AKAP6: variants seen among roughly 807,000 people sequenced by gnomAD.
AKAP6 encodes the protein A-kinase anchoring protein 6.
In AKAP6, 58 loss-of-function variants were observed where a neutral mutation model predicts 188.5. The observed-to-expected ratio is 0.31, with a 90% CI of 0.25 to 0.38. The LOEUF (loss-of-function observed/expected upper bound fraction) is 0.38. AKAP6 is among the 10% of genes least tolerant of loss of function. The pLI, the probability that AKAP6 is intolerant of heterozygous loss-of-function variation, is 1.00. For synonymous variants in AKAP6, 989 were observed against 998.6 expected (o/e 0.99, Z 0.18); for missense variants, 2,710 against 2,740.0 (o/e 0.99, Z 0.24).
At chr14:32,729,225 G>A (rs1158270080) in intron 9 of AKAP6, among the ~76,000 whole-genome samples, 1 of 151,958 alleles carries the variant, frequency 6.6e-6, no homozygotes, top group Non-Finnish European at 1.5e-5. Context: ...ACTGTTTCAA[G>A]GCATTGTTCC....
At chr14:32,616,839 T>G (rs1886602208) in intron 7 of AKAP6, 1 of 152,238 alleles carries the variant, frequency 6.6e-6, no homozygotes, top group Non-Finnish European at 1.5e-5. Context: ...AGTGGCATTT[T>G]TCAGTTGACT....
chr14:32,461,719 TG>T (rs1305926945), intron 2 of AKAP6, among the ~76,000 whole-genome samples: 1 of 151,800 alleles, frequency 6.6e-6, no homozygotes, highest in African/African-American at 2.4e-5. Flanking sequence ...CAAAACTAAA[TG>T]GAGAATGAGA....
At chr14:32,674,372 G>A (rs1243563473) in intron 7 of AKAP6, among the ~76,000 whole-genome samples, 2 of 152,190 alleles carry the variant, frequency 1.3e-5, no homozygotes, top group Non-Finnish European at 2.9e-5. Flanking sequence ...CTAAGAATGA[G>A]CGAAGGGAGA....
intron 1 of AKAP6, among the ~76,000 whole-genome samples, chr14:32,333,975 G>A (rs1886611450): frequency 6.6e-6 from 1 of 152,094 alleles, no homozygotes; most frequent in South Asian, 2.1e-4. Context: ...GTTGTACAAG[G>A]ACAGGTATAC....
intron 11 of AKAP6, among the ~76,000 whole-genome samples, chr14:32,751,922 A>G (rs1468923832): frequency 1.3e-5 from 2 of 152,152 alleles, no homozygotes; most frequent in African/African-American, 4.8e-5. Context: ...TCAAGACATG[A>G]ATTGTTTTCT....
intron 1 of AKAP6, among the ~76,000 whole-genome samples, chr14:32,349,692 C>T (rs1022520516): frequency 6.6e-5 from 10 of 152,204 alleles, no homozygotes; most frequent in Middle Eastern, 6.8e-3. Flanking sequence ...TACACTAACT[C>T]GAAGCTTCAA....
At chr14:32,456,579 T>A (rs1253535672) in intron 2 of AKAP6, among the ~76,000 whole-genome samples, 2 of 152,210 alleles carry the variant, frequency 1.3e-5, no homozygotes, top group African/African-American at 4.8e-5. Flanking sequence ...AATTGAAATT[T>A]TTGTGGATGT....
intron 2 of AKAP6, among the ~76,000 whole-genome samples, chr14:32,522,301 C>A (rs1297271376): frequency 6.6e-6 from 1 of 152,176 alleles, no homozygotes; most frequent in Non-Finnish European, 1.5e-5. Flanking sequence ...GACTGAAACA[C>A]CAAAAGCAAT....
At chr14:32,433,241 T>G in intron 1 of AKAP6, 1 of 408,614 alleles carries the variant, frequency 2.4e-6, no homozygotes, top group East Asian at 4.3e-5. Context: ...GGGGGGAGAG[T>G]AGTCAATATC....
At position 32,335,715 on chromosome 14, in the gene AKAP6, A is replaced by G. The variant is rs188206091; in HGVS notation, c.-35+6307A>G. On this transcript the variant is annotated intron_variant, in intron 1 of 13. Transcript: ENST00000280979. ...ACCATCCTGTTGGTTCAATGTTTAT[A>G]TTAATTCTCTTGCCCTTTGTTTACT... Among the ~76,000 whole-genome samples, 297 of 151,974 alleles carry G rather than the reference A, an allele frequency of 2.0e-3. 2 individuals carry two copies. Among genetic ancestry groups the G allele is most frequent in the Middle Eastern group, 0.014 (4 of 294 alleles).
chr14:32,791,524 T>C (rs1272990885), intron 12 of AKAP6, among the ~76,000 whole-genome samples: 2 of 151,228 alleles, frequency 1.3e-5, no homozygotes, highest in African/African-American at 4.9e-5. Context: ...ATTAGCCCTA[T>C]TAGTCAGATG....
intron 12 of AKAP6, among the ~76,000 whole-genome samples, chr14:32,797,524 A>G (rs919434232): frequency 6.6e-6 from 1 of 152,216 alleles, no homozygotes; most frequent in African/African-American, 2.4e-5. Flanking sequence ...AGAAAACCAA[A>G]CATTGCATGT....
intron 9 of AKAP6, among the ~76,000 whole-genome samples, chr14:32,714,330 T>C (rs978704321): frequency 5.9e-5 from 9 of 152,090 alleles, no homozygotes; most frequent in Non-Finnish European, 8.8e-5. Context: ...GCACATGCTA[T>C]GGAAAAATTG....
intron 12 of AKAP6, among the ~76,000 whole-genome samples, chr14:32,796,259 AC>A (rs1404012195): frequency 4.6e-5 from 7 of 152,344 alleles, no homozygotes; most frequent in African/African-American, 1.7e-4. Flanking sequence ...TACATTCTTC[AC>A]AGAATTAGAA....
chr14:32,780,157 C>CATATATATATATATAT (rs59506546), intron 12 of AKAP6, among the ~76,000 whole-genome samples: 17 of 119,342 alleles, frequency 1.4e-4, no homozygotes, highest in African/African-American at 3.2e-4. Flanking sequence ...AAAAAAAAAA[C>CATATATATATATATAT]ATATATATAT....
intron 11 of AKAP6, among the ~76,000 whole-genome samples, chr14:32,765,454 G>C (rs571513549): frequency 6.6e-6 from 1 of 152,094 alleles, no homozygotes; most frequent in Non-Finnish European, 1.5e-5. Flanking sequence ...GCAATAATTA[G>C]ATTTAGTTAA....
intron 1 of AKAP6, among the ~76,000 whole-genome samples, chr14:32,427,103 T>C (rs1002180654): frequency 7.2e-5 from 11 of 152,294 alleles, no homozygotes; most frequent in Non-Finnish European, 1.6e-4. Context: ...TTTTAAATTA[T>C]GGAAATCTGT....
chr14:32,488,370 C>A lies in AKAP6; in HGVS notation c.325-47184C>A, dbSNP rs1346556984. Among the ~76,000 whole-genome samples, 5 of 152,150 alleles carry A rather than the reference C, an allele frequency of 3.3e-5. No homozygotes were observed. In the South Asian group the frequency reaches 6.2e-4, roughly 19 times the overall value. On this transcript the variant is annotated intron_variant, in intron 2 of 13. Transcript: ENST00000280979. ...ACTCAAGCCTCAGTAATGGTGGACGCCCCTACCCCCACCAAGCTGGAGCAT... is the reference window on the plus strand; with the variant it reads ...ACTCAAGCCTCAGTAATGGTGGACGACCCTACCCCCACCAAGCTGGAGCAT...
chr14:32,540,190 A>ATTTTTT (rs1478530823), intron 3 of AKAP6, among the ~76,000 whole-genome samples: 11 of 128,280 alleles, frequency 8.6e-5, no homozygotes, highest in African/African-American at 1.4e-4. Context: ...ATATATATAT[A>ATTTTTT]TATTTTAATT....
Sources: gnomAD v4.1 joint callset for allele counts (sites outside exome capture counted in the v4.1 genomes callset) on GRCh38, gnomAD v4.1.1 for gene constraint, MANE v1.5 for transcripts, NCBI Gene and HGNC (gene_info 2026-07-23, HGNC 2026-07-21) for gene names.